RTP5: variants seen among roughly 807,000 people sequenced by gnomAD.
The protein encoded by RTP5 is receptor transporter protein 5 (putative).
In RTP5, 30 loss-of-function variants were observed where a neutral mutation model predicts 23.5. The ratio of observed to expected loss-of-function variants is 1.27; its 90% CI spans 0.95 to 1.73. RTP5 has a LOEUF of 1.73. Ranked by LOEUF, RTP5 falls within the 40% of genes most tolerant of loss-of-function variation. RTP5 has a pLI of 0.00. For missense variants in RTP5, 807 were observed against 784.2 expected (o/e 1.03, Z -0.35); for synonymous variants, 354 against 342.1 (o/e 1.03, Z -0.38).
rs763729295 is a variant in RTP5 at position 241,872,137 on chromosome 2, C to A, written c.582C>A (p.Asp194Glu). ...AACCGCTGTCCACCCCTGGCGACGACCTTGGCAAGGGTGGCGTTGTCATCG... is the reference window on the plus strand; with the variant it reads ...AACCGCTGTCCACCCCTGGCGACGAACTTGGCAAGGGTGGCGTTGTCATCG... ...RGKPLSTPGD[D>E]LGKGGVVIAI... The change falls in exon 2 of 2, where the codon GAC (aspartate) becomes GAA (glutamate). Residue 194 changes from aspartate to glutamate, a missense_variant. Physicochemically the swap from Asp to Glu is conservative, Grantham distance 45. Transcript: ENST00000343216. 1.1e-5 allele frequency: 17 copies of A among 1,610,210 alleles called. No individual in the cohort carries two copies. In the Admixed American group the frequency reaches 2.0e-4, roughly 19 times the overall value.
chr2:241,873,164 C>G lies in RTP5; in HGVS notation c.1609C>G (p.His537Asp). 1 of 1,611,992 alleles carries G rather than the reference C, an allele frequency of 6.2e-7. No individual in the cohort carries two copies. Residue 537 changes from histidine to aspartate, a missense_variant, in exon 2 of 2, where the codon CAC becomes GAC. Transcript: ENST00000343216. The part of the protein sequence containing the change: ...ERPGRACRRP[H>D]AEPYEDFWIW... ...CCCTGGCCGTGCCTGCCGTAGGCCG[C>G]ACGCCGAGCCCTACGAGGACTTCTG...
At chr2:241,871,125 G>A (rs1336412321) in intron 1 of RTP5, 4 of 462,560 alleles carry the variant, frequency 8.6e-6, no homozygotes, top group East Asian at 7.0e-5. Flanking sequence ...AGGGCTGCCC[G>A]GGCCATGACC....
Position 241,873,550 on chromosome 2 carries a change from C to A in RTP5, c.*276C>A. ...CCCCGCCTCCACCTCCGAGACCCCG[C>A]CTCCACCTCCGAGACCCCTTTCTCT... On this transcript the variant is annotated 3_prime_UTR_variant, in exon 2 of 2. Coordinates refer to ENST00000343216, the MANE Select transcript of RTP5 (RefSeq NM_173821.3). The A allele has an allele frequency of 3.0e-6, 1 of 331,526 alleles. No individual in the cohort carries two copies. The highest frequency in any genetic ancestry group is 5.1e-6 in the Non-Finnish European group (1 of 194,808). 20.5% of individuals were successfully genotyped at this position (331,526 alleles called of 1,614,324 possible).
Position 241,872,304 on chromosome 2 carries a change from G to A in RTP5, c.749G>A (p.Gly250Glu). ...GGCCAGGGCTCCATCTTCCTGTCTG[G>A]GGATTCAGTGGCCATGCCTGGGGGC... ...VIGQGSIFLS[G>E]DSVAMPGGKG... Residue 250 changes from glycine to glutamate, a missense_variant, in exon 2 of 2, where the codon GGG (glycine) becomes GAG (glutamate). Transcript: ENST00000343216. 1.2e-6 allele frequency: 2 copies of A among 1,603,336 alleles called. No individual in the cohort carries two copies. Among genetic ancestry groups the A allele is most frequent in the Non-Finnish European group, 1.7e-6 (2 of 1,174,514 alleles).
In RTP5 at chr2:241,873,271, G is replaced by C. The variant is rs1218699239; in HGVS notation, c.1716G>C (p.Val572=). 6.4e-7 allele frequency: 1 copy of C among 1,570,782 alleles called. No individual in the cohort carries two copies. The highest frequency in any genetic ancestry group is 2.3e-5 in the East Asian group (1 of 44,396). The stretch of plus-strand genomic sequence containing the variant: ...ACCCCGGGATCTACCCGCAGCAAGT[G>C]TGACGCCCCGAAGTTCAGGCAACCC... ...RLNPGIYPQQ[V] Residue 572 remains valine, a synonymous_variant, in exon 2 of 2, where the codon GTG becomes GTC. Transcript: ENST00000343216.
In RTP5 at chr2:241,872,960, G is replaced by T. The variant is rs769591220; in HGVS notation, c.1405G>T (p.Glu469Ter). Residue 469 changes from glutamate (E) to a stop codon, truncating the protein, a stop_gained, in exon 2 of 2, where the codon GAG (glutamate) becomes TAG (stop). Transcript: ENST00000343216. LOFTEE classifies it high-confidence loss of function. ...ANAEGPITVS[E>*]GCITIPFAVF... ...TGCCGAGGGCCCCATCACGGTTAGT[G>T]AGGGCTGCATCACCATCCCCTTCGC... 3.1e-6 allele frequency: 5 copies of T among 1,613,094 alleles called. No homozygotes were observed. In the East Asian group the frequency reaches 1.1e-4, roughly 36 times the overall value.
Position 241,872,348 on chromosome 2 carries a change from A to T in RTP5, c.793A>T (p.Ile265Phe), listed in dbSNP as rs1342275504. 6.2e-7 allele frequency: 1 copy of T among 1,610,544 alleles called. No individual in the cohort carries two copies. The highest frequency in any genetic ancestry group is 1.3e-5 in the African/African-American group (1 of 74,746). ...MPGGKGFPVA[I>F]GDPLFHGPGL... Reference sequence around the variant, plus strand: ...TGGGGGCAAAGGCTTCCCGGTGGCCATTGGAGACCCCCTCTTCCACGGCCC... The same window carrying T: ...TGGGGGCAAAGGCTTCCCGGTGGCCTTTGGAGACCCCCTCTTCCACGGCCC... The change falls in exon 2 of 2, where the codon ATT becomes TTT. Residue 265 changes from isoleucine to phenylalanine, a missense_variant. Ile to Phe is a conservative substitution (Grantham distance 21). Transcript: ENST00000343216.
chr2:241,872,969 A>T lies in RTP5; in HGVS notation c.1414A>T (p.Ile472Phe). ...EGPITVSEGC[I>F]TIPFAVFDVI... ...CCCCATCACGGTTAGTGAGGGCTGC[A>T]TCACCATCCCCTTCGCAGTCTTCGA... Residue 472 changes from isoleucine to phenylalanine, a missense_variant, in exon 2 of 2, where the codon ATC becomes TTC. Ile to Phe is a conservative substitution (Grantham distance 21). Transcript: ENST00000343216. 6.2e-7 allele frequency: 1 copy of T among 1,613,132 alleles called. No homozygotes were observed. Among genetic ancestry groups the T allele is most frequent in the Non-Finnish European group, 8.5e-7 (1 of 1,180,016 alleles).
In RTP5 at chr2:241,871,581, G is replaced by C. The variant is rs1327369046; in HGVS notation, c.159-133G>C. 4.8e-6 allele frequency: 6 copies of C among 1,243,038 alleles called. No individual in the cohort carries two copies. In the Admixed American group the frequency reaches 1.5e-4, roughly 31 times the overall value. The allele number at this position is 1,243,038 out of a possible 1,614,324, so 77.0% of individuals were successfully genotyped here. A position where few individuals can be genotyped will look rare whatever the true frequency, so the allele number is the denominator to read the frequency against. ...GGCTGGGGGGTGAGGTTTGAGGTTT[G>C]AGTGTGGGATGTGAGGCAGGGGGCA... On this transcript the variant is annotated intron_variant, in intron 1 of 1. Transcript: ENST00000343216.
At chr2:241,871,294 G>T in intron 1 of RTP5, 1 of 345,602 alleles carries the variant, frequency 2.9e-6, no homozygotes, top group South Asian at 2.2e-5. Flanking sequence ...GCCTCTTCCT[G>T]TGTTAACCCC....
intron 1 of RTP5, chr2:241,871,147 T>C (rs28682292): frequency 0.21 from 95,665 of 446,014 alleles, 16,629 homozygotes; most frequent in East Asian, 0.69. Context: ...CAGGCCTCCG[T>C]GACATCCTTC....
intron 1 of RTP5, 78 bp downstream of exon 1, chr2:241,869,992 A>G: frequency 1.8e-6 from 2 of 1,082,226 alleles, no homozygotes; most frequent in African/African-American, 1.7e-5. Flanking sequence ...GTGGTCCCAG[A>G]GGCTGGGTGG....
chr2:241,871,713 G>A lies in RTP5; in HGVS notation c.159-1G>A. 2 of 1,599,240 alleles carry A rather than the reference G, an allele frequency of 1.3e-6. No individual in the cohort carries two copies. The highest frequency in any genetic ancestry group is 1.7e-6 in the Non-Finnish European group (2 of 1,173,426). ...CACACACACTTCTTTCCCCGCCGCA[G>A]GCTCCAGTGCGGTCACTGTCCGGGG... On this transcript the variant is annotated splice_acceptor_variant, in intron 1 of 1. Transcript: ENST00000343216. LOFTEE classifies it high-confidence loss of function.
rs569087546 is a variant in RTP5, at chr2:241,873,427, C to T, written c.*153C>T. ...TGAGACCCCCGCCTCTGAGGCCCCG[C>T]CCCCCGCCTCCGAGACCCCGCCCTG... is the stretch of plus-strand genomic sequence containing the variant. On this transcript the variant is annotated 3_prime_UTR_variant, in exon 2 of 2. Coordinates refer to ENST00000343216, the MANE Select transcript of RTP5 (RefSeq NM_173821.3). 7.0e-3 allele frequency: 4,929 copies of T among 699,730 alleles called. 37 individuals are homozygous for T. Among genetic ancestry groups the T allele is most frequent in the Non-Finnish European group, 9.2e-3 (4,280 of 467,070 alleles). The allele number at this position is 699,730 out of a possible 1,614,324, so 43.3% of individuals were successfully genotyped here. A position where few individuals can be genotyped will look rare whatever the true frequency, so the allele number is the denominator to read the frequency against.
intron 1 of RTP5, among the ~76,000 whole-genome samples, chr2:241,870,533 G>A (rs1235051025): frequency 6.6e-6 from 1 of 152,266 alleles, no homozygotes; most frequent in Non-Finnish European, 1.5e-5. Context: ...CCAGGCTGCT[G>A]GCTGGTCCGT....
chr2:241,870,758 C>T (rs868771323), intron 1 of RTP5, among the ~76,000 whole-genome samples: 7 of 152,238 alleles, frequency 4.6e-5, no homozygotes, highest in East Asian at 1.9e-4. Context: ...TCCCAGCTGG[C>T]GGGAGAGAAC....
At chr2:241,871,598 CA>C (rs1371250927) in intron 1 of RTP5, 115 bp from the exon 2 acceptor site, 7 of 1,332,172 alleles carry the variant, frequency 5.3e-6, no homozygotes, top group Non-Finnish European at 5.9e-6. Flanking sequence ...GGATGTGAGG[CA>C]GGGGGCAGCG....
At position 241,871,616 on chromosome 2, in the gene RTP5, TG is replaced by T. The variant is rs1189133472; in HGVS notation, c.159-94del. On this transcript the variant is annotated intron_variant, in intron 1 of 1. Coordinates refer to ENST00000343216, the MANE Select transcript of RTP5 (RefSeq NM_173821.3). ...TGTGAGGCAGGGGGCAGCGAGGCGC[TG>T]GGGTCGGATGGGCAAGGAGGCCGCA... is the stretch of plus-strand genomic sequence containing the variant. 8.5e-6 allele frequency: 12 copies of T among 1,405,964 alleles called. No individual in the cohort carries two copies. The East Asian group carries it at 1.8e-4, about 21-fold the overall frequency. The allele number at this position is 1,405,964 out of a possible 1,614,324, so 87.1% of individuals were successfully genotyped here. A position where few individuals can be genotyped will look rare whatever the true frequency, so the allele number is the denominator to read the frequency against.
rs770194200 is a variant in RTP5, at chr2:241,872,035, C to T, written c.480C>T (p.Pro160=). The T allele has an allele frequency of 1.5e-5, 24 of 1,563,200 alleles. No homozygotes were observed. The East Asian group carries it at 2.3e-4, about 15-fold the overall frequency. Residue 160 remains proline (P), a synonymous_variant, in exon 2 of 2, where the codon CCC becomes CCT. Coordinates refer to ENST00000343216, the MANE Select transcript of RTP5 (RefSeq NM_173821.3). ...GCTTCCTCCAGAAGGCCCCAGACCC[C>T]GCCTGGAGCGCCAACGCCACAAAAG... ...GVCFLQKAPD[P]AWSANATKGN...
Sources: gnomAD v4.1 joint callset for allele counts (sites outside exome capture counted in the v4.1 genomes callset) on GRCh38, gnomAD v4.1.1 for gene constraint, MANE v1.5 for transcripts, NCBI Gene and HGNC (gene_info 2026-07-23, HGNC 2026-07-21) for gene names.